Variants in MTMR8 observed in about 807,000 individuals in gnomAD.
The protein encoded by MTMR8 is myotubularin related protein 8, also known as phosphatidylinositol-3,5-bisphosphate 3-phosphatase MTMR8.
MTMR8 carries 65 observed loss-of-function variants against 39.3 expected under a neutral mutation model. That is an observed-to-expected ratio of 1.65 (90% CI 1.35 to 2.03). The LOEUF (loss-of-function observed/expected upper bound fraction) is 2.03, where lower values mean the gene tolerates loss of function less well. Ranked by LOEUF, MTMR8 falls within the 30% of genes most tolerant of loss-of-function variation. The probability of loss-of-function intolerance (pLI) is 0.00; values close to 1 mark genes in which losing one functional copy is unlikely to be tolerated. For synonymous variants in MTMR8, 245 were observed against 185.2 expected (o/e 1.32, Z -2.62); for missense variants, 777 against 538.9 (o/e 1.44, Z -4.37).
intron 12 of MTMR8, among the ~76,000 whole-genome samples, chrX:64,283,613 C>G (rs942761449): frequency 4.5e-5 from 5 of 112,035 alleles, no homozygotes; most frequent in African/African-American, 1.6e-4. Context: ...CTGGGTACCC[C>G]TCTGAGATGA....
At chrX:64,334,358 C>T (rs901763106) in intron 10 of MTMR8, among the ~76,000 whole-genome samples, 1 of 109,781 alleles carries the variant, frequency 9.1e-6, no homozygotes, top group African/African-American at 3.3e-5. Context: ...TTCCTGAATA[C>T]CCTTGTATCT....
At chrX:64,367,947 G>A (rs1173751369) in intron 1 of MTMR8, among the ~76,000 whole-genome samples, 2 of 111,869 alleles carry the variant, frequency 1.8e-5, no homozygotes, top group African/African-American at 3.3e-5. Flanking sequence ...AAAATCACAA[G>A]CATTCCTATA....
In MTMR8 at chrX:64,329,783, T is replaced by A. The variant is rs775257523; in HGVS notation, c.1353-883A>T. Among the ~76,000 whole-genome samples the A allele has an allele frequency of 6.3e-5, 7 of 111,414 alleles. No individual in the cohort carries two copies. The South Asian group carries it at 2.7e-3, about 42-fold the overall frequency. Reference sequence around the variant, plus strand: ...TGAGGCCAAAGGCTTTGTACATCCATCTTTCTCATTTGCTGTTGGTTTATA... The same window carrying A: ...TGAGGCCAAAGGCTTTGTACATCCAACTTTCTCATTTGCTGTTGGTTTATA... On this transcript the variant is annotated intron_variant, in intron 11 of 13. Coordinates refer to ENST00000374852, the MANE Select transcript of MTMR8 (RefSeq NM_017677.4).
In MTMR8 at chrX:64,319,356, C is replaced by T. The variant is rs138983731; in HGVS notation, c.1481+9416G>A. Among the ~76,000 whole-genome samples, 203 of 112,358 alleles carry T rather than the reference C, an allele frequency of 1.8e-3. 6 individuals are homozygous for T. In the East Asian group the frequency reaches 0.049, roughly 27 times the overall value. On this transcript the variant is annotated intron_variant, in intron 12 of 13. Transcript: ENST00000374852. ...AATTTTCTCCCATTCTGTATGTTGCCTGTTCACTCTGATGGTAGTTTCTTC... is the reference window on the plus strand; with the variant it reads ...AATTTTCTCCCATTCTGTATGTTGCTTGTTCACTCTGATGGTAGTTTCTTC...
At chrX:64,393,737 G>A (rs912439669) in intron 1 of MTMR8, among the ~76,000 whole-genome samples, 4 of 112,152 alleles carry the variant, frequency 3.6e-5, no homozygotes, top group African/African-American at 1.3e-4. Context: ...TACACGGGAT[G>A]TGGTTATCCT....
intron 1 of MTMR8, among the ~76,000 whole-genome samples, chrX:64,370,318 A>T (rs1481856309): frequency 2.7e-5 from 3 of 110,768 alleles, no homozygotes; most frequent in African/African-American, 9.9e-5. Context: ...TGCTTCTAAC[A>T]TGTATATTCA....
At chrX:64,362,081 C>A (rs747222990) in intron 1 of MTMR8, among the ~76,000 whole-genome samples, 1 of 110,001 alleles carries the variant, frequency 9.1e-6, no homozygotes, top group Non-Finnish European at 1.9e-5. Flanking sequence ...ACGATGGCAA[C>A]AAAAATTATA....
intron 11 of MTMR8, among the ~76,000 whole-genome samples, chrX:64,330,065 T>C (rs1169668452): frequency 8.9e-6 from 1 of 112,029 alleles, no homozygotes; most frequent in African/African-American, 3.2e-5. Context: ...CATCCTTTTC[T>C]GTTCATGAAT....
At chrX:64,305,353 T>G (rs1922071758) in intron 12 of MTMR8, 1 of 210,688 alleles carries the variant, frequency 4.7e-6, no homozygotes, top group African/African-American at 3.0e-5. Flanking sequence ...AGCTTCTGAG[T>G]GCCAATATCC....
intron 12 of MTMR8, among the ~76,000 whole-genome samples, chrX:64,278,364 G>T (rs1253764933): frequency 9.3e-6 from 1 of 107,555 alleles, no homozygotes; most frequent in Non-Finnish European, 1.9e-5. Flanking sequence ...CATTTTTGTG[G>T]ATTTATCTAC....
chrX:64,351,036 T>C (rs1923474004), intron 4 of MTMR8, among the ~76,000 whole-genome samples: 1 of 111,747 alleles, frequency 8.9e-6, no homozygotes, highest in Non-Finnish European at 1.9e-5. Context: ...ATGCAGACCA[T>C]TTGAAAATGT....
At chrX:64,306,338 C>G (rs1922117628) in intron 12 of MTMR8, 2 of 278,196 alleles carry the variant, frequency 7.2e-6, no homozygotes, top group East Asian at 1.9e-4. Flanking sequence ...TTGTCAAAGC[C>G]CATGCAGCTT....
chrX:64,295,899 G>T (rs1422211579), intron 12 of MTMR8, among the ~76,000 whole-genome samples: 1 of 111,772 alleles, frequency 8.9e-6, no homozygotes, highest in Non-Finnish European at 1.9e-5. Context: ...AAACAACTTC[G>T]AAGTCGTTTA....
intron 12 of MTMR8, among the ~76,000 whole-genome samples, chrX:64,286,329 C>T (rs766224046): frequency 5.1e-4 from 57 of 111,793 alleles, no homozygotes; most frequent in African/African-American, 1.7e-3. Flanking sequence ...TAATAGCTTA[C>T]CAAACAAAAA....
chrX:64,326,204 G>A (rs1922787884), intron 12 of MTMR8, among the ~76,000 whole-genome samples: 1 of 110,823 alleles, frequency 9.0e-6, no homozygotes, highest in African/African-American at 3.3e-5. Flanking sequence ...AAGAAAAGTT[G>A]GTCTTGCTGA....
chrX:64,338,277 CA>C (rs1923127308), intron 8 of MTMR8, among the ~76,000 whole-genome samples: 1 of 111,472 alleles, frequency 9.0e-6, no homozygotes, highest in Admixed American at 9.5e-5. Flanking sequence ...ATTGGGAATA[CA>C]AAAGAGACAA....
chrX:64,359,633 G>A lies in MTMR8; in HGVS notation c.25-106C>T, dbSNP rs1378782431. 13 of 850,774 alleles carry A rather than the reference G, an allele frequency of 1.5e-5. No individual in the cohort carries two copies. In the East Asian group the frequency reaches 3.7e-4, roughly 24 times the overall value. The allele number at this position is 850,774 out of a possible 1,213,427, so 70.1% of individuals were successfully genotyped here. A position where few individuals can be genotyped will look rare whatever the true frequency, so the allele number is the denominator to read the frequency against. On this transcript the variant is annotated intron_variant, in intron 1 of 13. Transcript: ENST00000374852. ...ACGCTGTTAATTTGCTACAAAACTC[G>A]AGTCTTTCCAGTTCCTGCCAAGGTG...
intron 12 of MTMR8, among the ~76,000 whole-genome samples, chrX:64,274,964 G>T (rs932196925): frequency 1.8e-5 from 2 of 111,532 alleles, no homozygotes; most frequent in East Asian, 2.8e-4. Context: ...TAAAAGGAAT[G>T]ACTTTTTGAG....
At chrX:64,349,860 G>A in intron 5 of MTMR8, 82 bp downstream of exon 5, 1 of 876,114 alleles carries the variant, frequency 1.1e-6, no homozygotes, top group African/African-American at 2.0e-5. Context: ...AGGTCACACA[G>A]CTACTAAGTG....
Sources: gnomAD v4.1 joint callset for allele counts (sites outside exome capture counted in the v4.1 genomes callset) on GRCh38, gnomAD v4.1.1 for gene constraint, MANE v1.5 for transcripts, NCBI Gene and HGNC (gene_info 2026-07-23, HGNC 2026-07-21) for gene names.